Variants in SLC5A12 observed in about 807,000 individuals in gnomAD.
The protein encoded by SLC5A12 is sodium-coupled monocarboxylate transporter 2.
A neutral mutation model predicts 72.7 loss-of-function variants in SLC5A12; 46 were observed. That is an observed-to-expected ratio of 0.63 (90% CI 0.50 to 0.81). SLC5A12 has a LOEUF of 0.81. Ranked by LOEUF, SLC5A12 falls within the 30% of genes least tolerant of loss-of-function variation. SLC5A12 has a pLI of 0.00. For synonymous variants in SLC5A12, 275 were observed against 264.4 expected (o/e 1.04, Z -0.39); for missense variants, 683 against 740.7 (o/e 0.92, Z 0.90).
chr11:26,675,944 T>C (rs534534758), intron 13 of SLC5A12, among the ~76,000 whole-genome samples: 1 of 144,210 alleles, frequency 6.9e-6, no homozygotes, highest in South Asian at 2.3e-4. Flanking sequence ...TGTGTGTATC[T>C]ATCTGTGTGT....
intron 6 of SLC5A12, among the ~76,000 whole-genome samples, chr11:26,700,153 C>T (rs1274867955): frequency 1.3e-5 from 2 of 152,058 alleles, no homozygotes; most frequent in Non-Finnish European, 2.9e-5. Flanking sequence ...ATGAGTTATA[C>T]TCTGTAAAAA....
intron 1 of SLC5A12, among the ~76,000 whole-genome samples, chr11:26,713,000 C>T (rs987367484): frequency 6.6e-6 from 1 of 152,138 alleles, no homozygotes; most frequent in Admixed American, 6.6e-5. Context: ...AGTGGACTCA[C>T]TGAAGCCATT....
At chr11:26,718,456 T>G (rs556508406) in intron 1 of SLC5A12, among the ~76,000 whole-genome samples, 10 of 152,182 alleles carry the variant, frequency 6.6e-5, no homozygotes, top group African/African-American at 2.2e-4. Context: ...GAGTCCATAG[T>G]CTTTTTTATT....
At chr11:26,692,444 G>C in intron 9 of SLC5A12, 45 bp downstream of exon 9, 5 of 1,292,870 alleles carry the variant, frequency 3.9e-6, no homozygotes, top group Admixed American at 3.4e-5. Context: ...TCTACCACAT[G>C]TACATTTCAT....
rs1026939564 is a variant in SLC5A12 at position 26,683,684 on chromosome 11, G to C, written c.1308+73C>G. 20 of 1,222,358 alleles carry C rather than the reference G, an allele frequency of 1.6e-5. No individual in the cohort carries two copies. The East Asian group carries it at 4.3e-4, about 27-fold the overall frequency. The allele number at this position is 1,222,358 out of a possible 1,614,324, so 75.7% of individuals were successfully genotyped here. On this transcript the variant is annotated intron_variant, in intron 11 of 14. Coordinates refer to ENST00000396005, the MANE Select transcript of SLC5A12 (RefSeq NM_178498.4). ...TAAGACAGATAGCTTTTCTAAACAG[G>C]GCTGAGAGGAGAGAGAAAACGGCTG...
At chr11:26,685,999 C>T (rs986834159) in intron 10 of SLC5A12, among the ~76,000 whole-genome samples, 1 of 152,090 alleles carries the variant, frequency 6.6e-6, no homozygotes, top group African/African-American at 2.4e-5. Flanking sequence ...TTCCTAGTTC[C>T]TTCATCTGGA....
rs764274559 is a variant in SLC5A12 at position 26,703,690 on chromosome 11, T to C, written c.681-19A>G. 1.2e-6 allele frequency: 2 copies of C among 1,613,574 alleles called. No homozygotes were observed. The highest frequency in any genetic ancestry group is 1.7e-6 in the Non-Finnish European group (2 of 1,179,744). ...ATCAAAGCTATGAGACAGAGAGAAA[T>C]GAGTGAACAAAGATATTCCTTTGAT... On this transcript the variant is annotated intron_variant, in intron 5 of 14. Coordinates refer to ENST00000396005, the MANE Select transcript of SLC5A12 (RefSeq NM_178498.4).
upstream of SLC5A12, among the ~76,000 whole-genome samples, chr11:26,723,125 A>G (rs1855510814): frequency 6.6e-6 from 1 of 152,110 alleles, no homozygotes; most frequent in Non-Finnish European, 1.5e-5. Flanking sequence ...AATTTTTAGA[A>G]AGGAGAAAAC....
At chr11:26,711,404 G>A in intron 2 of SLC5A12, 46 bp from the exon 3 acceptor site, 1 of 1,509,944 alleles carries the variant, frequency 6.6e-7, no homozygotes, top group South Asian at 1.1e-5. Flanking sequence ...AAGGGACATA[G>A]AAAGGAAAAC....
At chr11:26,696,517 T>C (rs1023247289) in intron 8 of SLC5A12, among the ~76,000 whole-genome samples, 1 of 152,310 alleles carries the variant, frequency 6.6e-6, no homozygotes, top group African/African-American at 2.4e-5. Context: ...CATCATAATG[T>C]GCTTACACAA....
intron 8 of SLC5A12, among the ~76,000 whole-genome samples, chr11:26,693,196 A>G (rs899925142): frequency 6.6e-6 from 1 of 152,196 alleles, no homozygotes; most frequent in Non-Finnish European, 1.5e-5. Context: ...ATTGACATGT[A>G]GTTTGGAAAC....
chr11:26,685,630 A>AC (rs1341356596), intron 10 of SLC5A12, among the ~76,000 whole-genome samples: 7 of 151,472 alleles, frequency 4.6e-5, no homozygotes, highest in Non-Finnish European at 7.4e-5. Context: ...AAACAAAAAA[A>AC]CAAAAAAACC....
rs1392907746 is a variant in SLC5A12 at position 26,678,795 on chromosome 11, C to G, written c.1496G>C (p.Trp499Ser). The G allele has an allele frequency of 1.9e-6, 3 of 1,612,880 alleles. No individual in the cohort carries two copies. ...GTAGTAAAGGTAGGAGATCGAGTAC[C>G]AGGTATCAGCTATTCCAGGTCTGTG... ...LSSRPGIADT[W>S]YSISYLYYSA... The change falls in exon 13 of 15, where the codon TGG (tryptophan) becomes TCG (serine). Residue 499 changes from tryptophan (W) to serine (S), a missense_variant. Transcript: ENST00000396005.
chr11:26,720,466 G>A (rs1490544569), intron 1 of SLC5A12, among the ~76,000 whole-genome samples: 1 of 151,788 alleles, frequency 6.6e-6, no homozygotes, highest in Non-Finnish European at 1.5e-5. Context: ...ATAAAACTAT[G>A]GAATCAATAA....
intron 4 of SLC5A12, among the ~76,000 whole-genome samples, chr11:26,704,919 T>C (rs1038991573): frequency 6.6e-6 from 1 of 151,894 alleles, no homozygotes; most frequent in African/African-American, 2.4e-5. Flanking sequence ...CAGACATTCA[T>C]AGAGGAATGA....
chr11:26,681,926 G>C (rs1187660605), intron 11 of SLC5A12, among the ~76,000 whole-genome samples: 1 of 151,982 alleles, frequency 6.6e-6, no homozygotes, highest in Non-Finnish European at 1.5e-5. Flanking sequence ...AAAAATAGAA[G>C]AGGCCTTGGT....
chr11:26,707,506 C>T (rs1019611266), intron 4 of SLC5A12, among the ~76,000 whole-genome samples: 3 of 151,698 alleles, frequency 2.0e-5, no homozygotes, highest in African/African-American at 7.3e-5. Context: ...CTTTTTTCAT[C>T]TTCTTGTCTC....
At chr11:26,682,282 A>G (rs1854426221) in intron 11 of SLC5A12, among the ~76,000 whole-genome samples, 1 of 152,104 alleles carries the variant, frequency 6.6e-6, no homozygotes, top group Non-Finnish European at 1.5e-5. Flanking sequence ...AAATGTCAAA[A>G]CCATTTCTAG....
At chr11:26,696,805 C>A (rs1401207271) in intron 8 of SLC5A12, among the ~76,000 whole-genome samples, 1 of 152,148 alleles carries the variant, frequency 6.6e-6, no homozygotes, top group Non-Finnish European at 1.5e-5. Context: ...GCAGAGTGAG[C>A]TGCTTTATGT....
Sources: gnomAD v4.1 joint callset for allele counts (sites outside exome capture counted in the v4.1 genomes callset) on GRCh38, gnomAD v4.1.1 for gene constraint, MANE v1.5 for transcripts, NCBI Gene and HGNC (gene_info 2026-07-23, HGNC 2026-07-21) for gene names.